The following NDUFA10 variants were observed in gnomAD, a reference collection of about 807,000 sequenced individuals.
NDUFA10 encodes the protein NADH:ubiquinone oxidoreductase subunit A10.
In NDUFA10, 40 loss-of-function variants were observed where a neutral mutation model predicts 47.8. That is an observed-to-expected ratio of 0.84 (90% CI 0.65 to 1.09). The LOEUF (loss-of-function observed/expected upper bound fraction) is 1.09, where lower values mean the gene tolerates loss of function less well. NDUFA10 is among the 50% of genes least tolerant of loss of function. The pLI, the probability that NDUFA10 is intolerant of heterozygous loss-of-function variation, is 0.00. For missense variants in NDUFA10, 413 were observed against 451.1 expected, an observed-to-expected ratio of 0.92 and a Z score of 0.76; for synonymous variants, 183 against 172.2, an observed-to-expected ratio of 1.06 and a Z score of -0.49.
chr2:239,943,271 C>T (rs1367808712), intron 4 of NDUFA10, among the ~76,000 whole-genome samples: 2 of 152,248 alleles, frequency 1.3e-5, no homozygotes, highest in African/African-American at 4.8e-5. Context: ...AGGTCAGAGC[C>T]ACACGAATCT....
At chr2:239,893,652 C>T (rs1466381157) in intron 5 of NDUFA10, among the ~76,000 whole-genome samples, 1 of 152,178 alleles carries the variant, frequency 6.6e-6, no homozygotes, top group Non-Finnish European at 1.5e-5. Context: ...CCATAAGGCA[C>T]TAATCCATTC....
At chr2:240,015,531 C>G (rs1697312308) in intron 4 of NDUFA10, among the ~76,000 whole-genome samples, 2 of 152,364 alleles carry the variant, frequency 1.3e-5, no homozygotes, top group Middle Eastern at 3.4e-3. Flanking sequence ...ACAGAAGTAT[C>G]TACTGAGTCA....
rs986211453 is a variant in NDUFA10 at position 239,906,650 on chromosome 2, C to A, written c.295-11336G>T. 6.6e-6 allele frequency among the ~76,000 whole-genome samples: 1 copy of A among 152,194 alleles called. No homozygotes were observed. The highest frequency in any genetic ancestry group is 1.5e-5 in the Non-Finnish European group (1 of 68,030). On this transcript the variant is annotated intron_variant, in intron 4 of 5. Coordinates refer to the NDUFA10 transcript ENST00000419408. This position sits in a 1 kb window ranked among gnomAD's most constrained non-coding sequence, Gnocchi z 4.3. Reference sequence around the variant, plus strand: ...GTGCCCCCGGGAATGCTGGTCCAGACGCTTTGCCCTGCACCCAACCCTAAA... The same window carrying A: ...GTGCCCCCGGGAATGCTGGTCCAGAAGCTTTGCCCTGCACCCAACCCTAAA...
In NDUFA10 at chr2:240,014,840, C is replaced by T. The variant is rs1559397064; in HGVS notation, c.568G>A (p.Val190Met). 6.2e-7 allele frequency: 1 copy of T among 1,614,106 alleles called. No homozygotes were observed. The highest frequency in any genetic ancestry group is 8.5e-7 in the Non-Finnish European group (1 of 1,179,942). Residue 190 changes from valine to methionine, a missense_variant, in exon 5 of 10, where the codon GTG becomes ATG. Val to Met is a conservative substitution (Grantham distance 21). Transcript: ENST00000252711. ...RKQCVDHYNE[V>M]KSVTICDYLP... is the part of the protein sequence containing the mutation. ...TAATCGCAGATGGTGACGCTCTTCA[C>T]CTCGTTGTAGTGGTCCACACCTGGC...
At chr2:240,025,164 T>TGGCCCCC in intron 1 of NDUFA10, 63 bp downstream of exon 1, 20 of 594,902 alleles carry the variant, frequency 3.4e-5, no homozygotes, top group Non-Finnish European at 4.9e-5. Context: ...GTGGAACTGC[T>TGGCCCCC]CCCCACCCCG....
chr2:239,993,301 T>C (rs1405349588), intron 8 of NDUFA10, among the ~76,000 whole-genome samples: 1 of 152,218 alleles, frequency 6.6e-6, no homozygotes. Context: ...TTAGATGTCA[T>C]ATGATGCCCA....
intron 7 of NDUFA10, among the ~76,000 whole-genome samples, 187 bp from the exon 8 acceptor site, chr2:240,005,482 G>A (rs190099304): frequency 1.3e-5 from 2 of 152,062 alleles, no homozygotes; most frequent in African/African-American, 2.4e-5. Flanking sequence ...TCAGCCTCCC[G>A]AGTTGCTGGG....
rs1274897696 is a variant in NDUFA10 at position 239,945,623 on chromosome 2, A to G, written c.294+44451T>C. On this transcript the variant is annotated intron_variant, in intron 4 of 5. Transcript: ENST00000419408. The surrounding 1 kb of genome is among the most constrained non-coding windows in gnomAD (Gnocchi z 4.6). Reference sequence around the variant, plus strand: ...GGCCACACACTGGTCCTTCATGAACAGTTTTCTCACGGAATGGATCGATTG... The same window carrying G: ...GGCCACACACTGGTCCTTCATGAACGGTTTTCTCACGGAATGGATCGATTG... Among the ~76,000 whole-genome samples, 1 of 152,206 alleles carries G rather than the reference A, an allele frequency of 6.6e-6. No individual in the cohort carries two copies. Among genetic ancestry groups the G allele is most frequent in the Non-Finnish European group, 1.5e-5 (1 of 68,042 alleles).
intron 1 of NDUFA10, among the ~76,000 whole-genome samples, chr2:240,022,545 T>C (rs967586530): frequency 3.9e-5 from 6 of 152,190 alleles, no homozygotes; most frequent in South Asian, 2.1e-4. Flanking sequence ...AGATATACTG[T>C]CTGTTTGTTC....
chr2:239,893,699 T>C (rs980946643), intron 5 of NDUFA10, among the ~76,000 whole-genome samples: 1 of 152,140 alleles, frequency 6.6e-6, no homozygotes, highest in African/African-American at 2.4e-5. Flanking sequence ...CCCCACTTCT[T>C]AACACTGCTG....
Position 239,960,053 on chromosome 2 carries a change from T to TAC in NDUFA10, c.*1063_*1064dup, listed in dbSNP as rs1694787443. ...CAAGGAACCCAATTTTAAACTCTATTACATTTTAGCTCATTTAAATTTCAA... is the reference window on the plus strand; with the variant it reads ...CAAGGAACCCAATTTTAAACTCTATTACACATTTTAGCTCATTTAAATTTCAA... On this transcript the variant is annotated 3_prime_UTR_variant, in exon 10 of 10. Transcript: ENST00000252711. The TAC allele has an allele frequency of 1.0e-6, 1 of 984,928 alleles. No homozygotes were observed. Among genetic ancestry groups the TAC allele is most frequent in the Non-Finnish European group, 1.2e-6 (1 of 829,566 alleles). 61.0% of individuals were successfully genotyped at this position (984,928 alleles called of 1,614,324 possible).
Position 239,948,214 on chromosome 2 carries a change from C to T in NDUFA10, c.294+41860G>A, listed in dbSNP as rs75910975. 3.2e-4 allele frequency among the ~76,000 whole-genome samples: 48 copies of T among 152,356 alleles called. No individual in the cohort carries two copies. In the East Asian group the frequency reaches 8.3e-3, roughly 26 times the overall value. ...ACCTCCTGGGCCCTGCCCACACGTC[C>T]GTCCCTCTTCCCAGCCTCAGCCACG... On this transcript the variant is annotated intron_variant, in intron 4 of 5. Coordinates refer to the NDUFA10 transcript ENST00000419408.
At chr2:239,988,927 A>G (rs533568907) in intron 9 of NDUFA10, among the ~76,000 whole-genome samples, 1 of 151,976 alleles carries the variant, frequency 6.6e-6, no homozygotes, top group African/African-American at 2.4e-5. Context: ...ACACGTGTAC[A>G]AGGACAGAAA....
intron 4 of NDUFA10, among the ~76,000 whole-genome samples, chr2:239,939,477 A>T (rs1035817324): frequency 6.6e-6 from 1 of 152,234 alleles, no homozygotes; most frequent in African/African-American, 2.4e-5. Flanking sequence ...CGTGTCTGCC[A>T]TTGCTGAAGG....
downstream of NDUFA10, among the ~76,000 whole-genome samples, chr2:239,954,543 TG>T (rs142321120): frequency 0.017 from 2,610 of 152,342 alleles, 36 homozygotes; most frequent in Non-Finnish European, 0.027. Flanking sequence ...AGGAAAAGCA[TG>T]CCTTAAGGAG....
chr2:239,970,225 A>C (rs1695254162), intron 9 of NDUFA10, among the ~76,000 whole-genome samples: 1 of 152,250 alleles, frequency 6.6e-6, no homozygotes, highest in Non-Finnish European at 1.5e-5. Flanking sequence ...GAAACTATGC[A>C]AGCCAAGAGG....
rs1298209857 is a variant in NDUFA10, at chr2:240,018,015, A to G, written c.547+538T>C. ...AACCCCACCCTGACTCCTCAAGGTC[A>G]GCCTGCTTCAAACCAGGGGGTCTTT... On this transcript the variant is annotated intron_variant, in intron 4 of 9. Coordinates refer to ENST00000252711, the MANE Select transcript of NDUFA10 (RefSeq NM_004544.4). 5.7e-6 allele frequency: 5 copies of G among 884,734 alleles called. No homozygotes were observed. In the East Asian group the frequency reaches 1.1e-4, roughly 19 times the overall value. 54.8% of individuals were successfully genotyped at this position (884,734 alleles called of 1,614,324 possible). A position where few individuals can be genotyped will look rare whatever the true frequency, so the allele number is the denominator to read the frequency against.
At chr2:239,916,568 T>G (rs1353954092) in intron 4 of NDUFA10, among the ~76,000 whole-genome samples, 5 of 152,272 alleles carry the variant, frequency 3.3e-5, no homozygotes, top group Non-Finnish European at 7.3e-5. Context: ...CTCATCTGCA[T>G]ATGCAGCTAA....
intron 4 of NDUFA10, among the ~76,000 whole-genome samples, chr2:239,933,966 T>G (rs1012941171): frequency 1.2e-4 from 18 of 152,188 alleles, no homozygotes; most frequent in African/African-American, 4.3e-4. Context: ...CAAGCAATCC[T>G]CCTGCCTTTG....
Sources: gnomAD v4.1 joint callset for allele counts (sites outside exome capture counted in the v4.1 genomes callset) on GRCh38, gnomAD v4.1.1 for gene constraint, Gnocchi (gnomAD v3.1) non-coding constraint, MANE v1.5 for transcripts, NCBI Gene and HGNC (gene_info 2026-07-23, HGNC 2026-07-21) for gene names.